A2ML1: variants seen among roughly 807,000 people sequenced by gnomAD.
A2ML1 encodes the protein alpha-2-macroglobulin-like protein 1.
A neutral mutation model predicts 181.9 loss-of-function variants in A2ML1; 161 were observed. That is an observed-to-expected ratio of 0.89 (90% confidence interval 0.78 to 1.01). The LOEUF is 1.01. Ranked by LOEUF, A2ML1 falls within the 50% of genes least tolerant of loss-of-function variation. The pLI is 0.00. For missense variants in A2ML1, 1,670 were observed against 1,768.1 expected, an observed-to-expected ratio of 0.94 and a Z score of 1.00; for synonymous variants, 663 against 666.8, an observed-to-expected ratio of 0.99 and a Z score of 0.09.
At chr12:8,849,804 T>C (rs1943826962) in intron 17 of A2ML1, 45 bp downstream of exon 17, 5 of 1,561,784 alleles carry the variant, frequency 3.2e-6, no homozygotes, top group East Asian at 4.5e-5. Context: ...ATGTTAACAG[T>C]CCTGGAACTC....
At chr12:8,877,831 T>G (rs1255743479), downstream of A2ML1, among the ~76,000 whole-genome samples, 2 of 152,202 alleles carry the variant, frequency 1.3e-5, no homozygotes, top group Non-Finnish European at 2.9e-5. Context: ...ATCTCACTAC[T>G]GGGTATATAC....
chr12:8,825,199 T>C (rs1942889864), intron 3 of A2ML1, among the ~76,000 whole-genome samples: 1 of 152,214 alleles, frequency 6.6e-6, no homozygotes, highest in East Asian at 1.9e-4. Flanking sequence ...TGTACTAATT[T>C]ACATTCCCAC....
intron 12 of A2ML1, chr12:8,844,943 T>C (rs115453668): frequency 1.5e-6 from 2 of 1,293,654 alleles, no homozygotes; most frequent in African/African-American, 3.0e-5. Context: ...CGAGTTCTGT[T>C]TCAAGTGAGA....
intron 7 of A2ML1, among the ~76,000 whole-genome samples, chr12:8,883,176 C>T (rs1233375299): frequency 1.3e-5 from 2 of 152,042 alleles, no homozygotes; most frequent in African/African-American, 2.4e-5. Context: ...GTGATTCCAG[C>T]GGAGGATTTA....
intron 11 of A2ML1, among the ~76,000 whole-genome samples, 178 bp downstream of exon 11, chr12:8,841,714 CAAAT>C (rs2136805195): frequency 1.3e-5 from 2 of 152,276 alleles, no homozygotes; most frequent in South Asian, 4.1e-4. Context: ...TAATATCAAT[CAAAT>C]AAATAGTCCT....
intron 1 of A2ML1, 29 bp downstream of exon 1, chr12:8,822,742 T>C: frequency 3.7e-6 from 6 of 1,610,422 alleles, no homozygotes; most frequent in Non-Finnish European, 4.2e-6. Context: ...AATTGGTTTA[T>C]TAGGGCAGCG....
chr12:8,880,162 G>C (rs890234022), downstream of A2ML1, among the ~76,000 whole-genome samples: 2 of 152,136 alleles, frequency 1.3e-5, no homozygotes, highest in African/African-American at 4.8e-5. Context: ...TCAGGAGTTC[G>C]AGACCAGCCT....
At chr12:8,865,585 T>C (rs1272676036) in intron 29 of A2ML1, among the ~76,000 whole-genome samples, 1 of 152,146 alleles carries the variant, frequency 6.6e-6, no homozygotes, top group African/African-American at 2.4e-5. Flanking sequence ...TAACTTTGTT[T>C]CAGAAAGATT....
chr12:8,839,330 T>C, intron 10 of A2ML1, 108 bp downstream of exon 10: 1 of 656,252 alleles, frequency 1.5e-6, no homozygotes, highest in Non-Finnish European at 2.6e-6. Flanking sequence ...TCCAAGTACT[T>C]TATGTGTATT....
At chr12:8,878,995 C>T (rs1429314675), downstream of A2ML1, among the ~76,000 whole-genome samples, 1 of 151,770 alleles carries the variant, frequency 6.6e-6, no homozygotes, top group African/African-American at 2.4e-5. The surrounding 1 kb of genome is among the most constrained non-coding windows in gnomAD (Gnocchi z 4.4). Flanking sequence ...TAAATAAAAG[C>T]GTATACTGAA....
At chr12:8,870,372 A>T (rs1944578588) in intron 33 of A2ML1, among the ~76,000 whole-genome samples, 1 of 150,862 alleles carries the variant, frequency 6.6e-6, no homozygotes, top group Non-Finnish European at 1.5e-5. Context: ...GGTTCATGCC[A>T]TTCTCCTGCC....
rs369364490 is a variant in A2ML1 at position 8,846,040 on chromosome 12, A to G, written c.1538-37A>G. 5 of 1,611,040 alleles carry G rather than the reference A, an allele frequency of 3.1e-6. No individual in the cohort carries two copies. In the African/African-American group the frequency reaches 5.3e-5, roughly 17 times the overall value. On this transcript the variant is annotated intron_variant, in intron 13 of 35. Coordinates refer to ENST00000299698, the MANE Select transcript of A2ML1 (RefSeq NM_144670.6). ...AGATGCCGTTGGCAGGTGAATGTGCATTCTGATTTTCCTGTATATTCCCTC... is the reference window on the plus strand; with the variant it reads ...AGATGCCGTTGGCAGGTGAATGTGCGTTCTGATTTTCCTGTATATTCCCTC...
chr12:8,829,785 T>A lies in A2ML1; in HGVS notation c.462+6T>A, dbSNP rs926197497. 3 of 1,613,294 alleles carry A rather than the reference T, an allele frequency of 1.9e-6. No individual in the cohort carries two copies. The highest frequency in any genetic ancestry group is 2.2e-5 in the South Asian group (2 of 91,036). On this transcript the variant is annotated splice_donor_region_variant and intron_variant, in intron 4 of 35. Coordinates refer to ENST00000299698, the MANE Select transcript of A2ML1 (RefSeq NM_144670.6). ...TCGTTCCAGTGAATGACAAGGTGAG[T>A]TGGGAGGAGGAGAAGGAGTGGCGCA...
chr12:8,823,459 C>T, intron 2 of A2ML1, 94 bp downstream of exon 2: 1 of 1,396,574 alleles, frequency 7.2e-7, no homozygotes, highest in South Asian at 1.4e-5. Flanking sequence ...TTTCTGTTAT[C>T]TTTTGCCACG....
At chr12:8,886,390 T>C (rs1247852715) in intron 7 of A2ML1, 1 of 152,232 alleles carries the variant, frequency 6.6e-6, no homozygotes, top group Non-Finnish European at 1.5e-5. Context: ...CAGTTGGTTC[T>C]TTTGATGTTA....
downstream of A2ML1, among the ~76,000 whole-genome samples, chr12:8,878,111 T>C (rs1388889225): frequency 1.5e-5 from 1 of 68,712 alleles, no homozygotes; most frequent in Non-Finnish European, 3.4e-5. This position sits in a 1 kb window ranked among gnomAD's most constrained non-coding sequence, Gnocchi z 4.4. Flanking sequence ...AAGACCAACC[T>C]GGCCAACATG....
intron 11 of A2ML1, among the ~76,000 whole-genome samples, 190 bp from the exon 12 acceptor site, chr12:8,842,944 A>G (rs1943539994): frequency 6.6e-6 from 1 of 152,176 alleles, no homozygotes; most frequent in Non-Finnish European, 1.5e-5. Context: ...ATACCAAAAT[A>G]TTGCTGTACA....
intron 9 of A2ML1, among the ~76,000 whole-genome samples, chr12:8,838,786 C>A (rs776662070): frequency 6.6e-6 from 1 of 151,824 alleles, no homozygotes; most frequent in Admixed American, 6.6e-5. Context: ...GTGACGGGGG[C>A]GCCTGTAGTC....
intron 29 of A2ML1, among the ~76,000 whole-genome samples, chr12:8,866,855 A>G (rs1209031167): frequency 6.6e-6 from 1 of 151,882 alleles, no homozygotes; most frequent in Non-Finnish European, 1.5e-5. Context: ...TTTGTAATAG[A>G]TATTTTTTGT....
Sources: allele counts gnomAD v4.1 joint callset (sites outside exome capture counted in the v4.1 genomes callset), GRCh38; gene constraint gnomAD v4.1.1; non-coding constraint Gnocchi (gnomAD v3.1); transcripts MANE v1.5; gene names NCBI Gene and HGNC (gene_info 2026-07-23, HGNC 2026-07-21).